The following BCAT1 variants were observed in gnomAD, a reference collection of about 807,000 sequenced individuals.
BCAT1 encodes branched chain amino acid transaminase 1.
In BCAT1, 48 loss-of-function variants were observed where a neutral mutation model predicts 52.4. That is an observed-to-expected ratio of 0.92 (90% CI 0.73 to 1.16). The LOEUF (loss-of-function observed/expected upper bound fraction) is 1.16. BCAT1 is among the 50% of genes most tolerant of loss of function. BCAT1 has a pLI of 0.00. For synonymous variants in BCAT1, 167 were observed against 161.3 expected (o/e 1.04, Z -0.27); for missense variants, 451 against 457.1 (o/e 0.99, Z 0.12).
At position 24,932,585 on chromosome 12, in the gene BCAT1, G is replaced by A. The variant is rs183815257; in HGVS notation, c.6+16342C>T. 2.8e-3 allele frequency among the ~76,000 whole-genome samples: 428 copies of A among 152,354 alleles called. 2 individuals are homozygous for A. The highest frequency in any genetic ancestry group is 5.1e-3 in the Non-Finnish European group (347 of 68,036). On this transcript the variant is annotated intron_variant, in intron 1 of 10. Transcript: ENST00000261192. ...GTAATAATATTAGTTAATACTTACA[G>A]TACTTACATAGTACTTATTTCAGAC...
intron 6 of BCAT1, among the ~76,000 whole-genome samples, chr12:24,849,243 A>G (rs1388530128): frequency 6.6e-6 from 1 of 152,246 alleles, no homozygotes; most frequent in Non-Finnish European, 1.5e-5. Context: ...ATGGCCTATG[A>G]GACTGGCCTG....
chr12:24,869,410 C>G (rs1243881319), intron 5 of BCAT1, among the ~76,000 whole-genome samples: 2 of 152,212 alleles, frequency 1.3e-5, no homozygotes, highest in African/African-American at 2.4e-5. Context: ...TAGCAGGACC[C>G]TGGCTTTGTG....
At chr12:24,876,913 A>G (rs1460849253) in intron 5 of BCAT1, among the ~76,000 whole-genome samples, 2 of 152,104 alleles carry the variant, frequency 1.3e-5, no homozygotes, top group Admixed American at 6.5e-5. Flanking sequence ...ACATTTACCT[A>G]TATAACACAC....
intron 1 of BCAT1, among the ~76,000 whole-genome samples, chr12:24,923,727 T>C (rs1412163247): frequency 6.6e-6 from 1 of 152,154 alleles, no homozygotes; most frequent in Non-Finnish European, 1.5e-5. Context: ...ATATTTCTTA[T>C]GCTCAAATCA....
intron 1 of BCAT1, among the ~76,000 whole-genome samples, chr12:24,939,116 T>G (rs1216460741): frequency 6.6e-6 from 1 of 152,166 alleles, no homozygotes. Flanking sequence ...TCAAGTGATC[T>G]GCCTGCCTTG....
At chr12:24,948,346 T>C (rs1317367846) in intron 1 of BCAT1, among the ~76,000 whole-genome samples, 2 of 152,264 alleles carry the variant, frequency 1.3e-5, no homozygotes, top group Admixed American at 6.5e-5. Flanking sequence ...GGGTGCTCAC[T>C]GGTTTAACAA....
intron 5 of BCAT1, among the ~76,000 whole-genome samples, chr12:24,872,257 T>A (rs1170297944): frequency 6.6e-6 from 1 of 152,254 alleles, no homozygotes; most frequent in Non-Finnish European, 1.5e-5. Flanking sequence ...AAGGCATGTC[T>A]ATGAAACGCA....
intron 1 of BCAT1, among the ~76,000 whole-genome samples, chr12:24,913,026 T>G (rs11614032): frequency 0.18 from 27,537 of 152,184 alleles, 3,232 homozygotes; most frequent in Non-Finnish European, 0.26. Flanking sequence ...TTTACAAAAA[T>G]ACAAAAATTT....
chr12:24,863,103 C>G (rs1308080306), intron 5 of BCAT1, among the ~76,000 whole-genome samples: 1 of 152,134 alleles, frequency 6.6e-6, no homozygotes, highest in East Asian at 1.9e-4. Context: ...CTGATCAACT[C>G]TTTTAAGTTT....
At position 24,852,001 on chromosome 12, in the gene BCAT1, T is replaced by C. The variant is rs545763633; in HGVS notation, c.511-2052A>G. On this transcript the variant is annotated intron_variant, in intron 5 of 10. Transcript: ENST00000261192. ...ATTGGAGGAGGGGCCCAGTGTGAGA[T>C]GATAGGATCGTGGGGGTGAATTTCC... Among the ~76,000 whole-genome samples the C allele has an allele frequency of 2.6e-5, 4 of 152,284 alleles. 1 individual carries two copies. In the South Asian group the frequency reaches 8.3e-4, roughly 32 times the overall value.
intron 8 of BCAT1, among the ~76,000 whole-genome samples, chr12:24,833,388 G>A (rs1033280017): frequency 2.0e-5 from 3 of 151,820 alleles, no homozygotes; most frequent in African/African-American, 4.8e-5. Flanking sequence ...GCATGGTGGC[G>A]GGTGCCTGTA....
At chr12:24,884,084 G>C (rs969989362) in intron 3 of BCAT1, among the ~76,000 whole-genome samples, 5 of 152,130 alleles carry the variant, frequency 3.3e-5, no homozygotes, top group African/African-American at 9.7e-5. Flanking sequence ...CAATAGCCAG[G>C]ATACAGAAGC....
chr12:24,870,548 G>A (rs2139559628), intron 5 of BCAT1, among the ~76,000 whole-genome samples: 1 of 152,284 alleles, frequency 6.6e-6, no homozygotes, highest in East Asian at 1.9e-4. Flanking sequence ...CTGACCCCCT[G>A]CCAGACACTG....
chr12:24,871,978 A>C (rs1942195200), intron 5 of BCAT1, among the ~76,000 whole-genome samples: 1 of 152,230 alleles, frequency 6.6e-6, no homozygotes. Flanking sequence ...TATGTATTTC[A>C]CATAGGACTA....
At chr12:24,881,731 A>G (rs1942504162) in intron 3 of BCAT1, among the ~76,000 whole-genome samples, 1 of 152,230 alleles carries the variant, frequency 6.6e-6, no homozygotes, top group African/African-American at 2.4e-5. Context: ...AGAATCACAC[A>G]GCACAGGTTA....
intron 3 of BCAT1, among the ~76,000 whole-genome samples, chr12:24,887,078 A>AG (rs1337074950): frequency 1.3e-5 from 1 of 79,238 alleles, no homozygotes; most frequent in Non-Finnish European, 2.7e-5. Flanking sequence ...AAAAAAAAAA[A>AG]AAATATATAT....
chr12:24,861,751 T>C (rs113916007), intron 5 of BCAT1, among the ~76,000 whole-genome samples: 8 of 152,170 alleles, frequency 5.3e-5, no homozygotes, highest in African/African-American at 1.7e-4. Context: ...AGACCACCTG[T>C]GCTCCATTCC....
chr12:24,900,014 TAAC>T (rs1240068151), intron 2 of BCAT1, among the ~76,000 whole-genome samples: 3 of 152,104 alleles, frequency 2.0e-5, no homozygotes, highest in East Asian at 1.9e-4. Flanking sequence ...TGATTATAGT[TAAC>T]AACAATGTAG....
chr12:24,932,829 T>C (rs1943695217), intron 1 of BCAT1, among the ~76,000 whole-genome samples: 1 of 151,992 alleles, frequency 6.6e-6, no homozygotes, highest in Non-Finnish European at 1.5e-5. Context: ...TGTTTTGTTT[T>C]GAGATGGAGT....
Sources: allele counts gnomAD v4.1 joint callset (sites outside exome capture counted in the v4.1 genomes callset), GRCh38; gene constraint gnomAD v4.1.1; transcripts MANE v1.5; gene names NCBI Gene and HGNC (gene_info 2026-07-23, HGNC 2026-07-21).